ARHGAP15: variants seen among roughly 807,000 people sequenced by gnomAD.
ARHGAP15 encodes the protein Rho GTPase activating protein 15.
ARHGAP15 carries 51 observed loss-of-function variants against 63.7 expected under a neutral mutation model. That is an observed-to-expected ratio of 0.80 (90% CI 0.64 to 1.01). The LOEUF (loss-of-function observed/expected upper bound fraction) is 1.01, where lower values mean the gene tolerates loss of function less well. Ranked by LOEUF, ARHGAP15 falls within the 50% of genes least tolerant of loss-of-function variation. The pLI is 0.00. For missense variants in ARHGAP15, 560 were observed against 564.6 expected (o/e 0.99, Z 0.08); for synonymous variants, 191 against 193.8 (o/e 0.99, Z 0.12).
At chr2:143,195,961 A>G (rs1181757806) in intron 2 of ARHGAP15, among the ~76,000 whole-genome samples, 1 of 152,110 alleles carries the variant, frequency 6.6e-6, no homozygotes, top group Non-Finnish European at 1.5e-5. Flanking sequence ...CATCAGTTTC[A>G]TATCCTTTAA....
At chr2:143,605,930 G>C (rs1363474862) in intron 11 of ARHGAP15, among the ~76,000 whole-genome samples, 2 of 148,456 alleles carry the variant, frequency 1.3e-5, no homozygotes, top group East Asian at 4.0e-4. Flanking sequence ...CAGCTACTTG[G>C]GAAGCTGAGG....
At chr2:143,603,727 C>A (rs1574693907) in intron 11 of ARHGAP15, among the ~76,000 whole-genome samples, 1 of 152,172 alleles carries the variant, frequency 6.6e-6, no homozygotes. Flanking sequence ...CCAGCGGCAG[C>A]TCTTACAAGG....
intron 2 of ARHGAP15, among the ~76,000 whole-genome samples, chr2:143,188,221 A>C (rs943343426): frequency 6.6e-6 from 1 of 152,056 alleles, no homozygotes; most frequent in Non-Finnish European, 1.5e-5. Flanking sequence ...ATAGTTTTTC[A>C]CAATTTTTAG....
At chr2:143,337,630 A>T (rs372962666) in intron 6 of ARHGAP15, among the ~76,000 whole-genome samples, 3 of 152,274 alleles carry the variant, frequency 2.0e-5, no homozygotes, top group African/African-American at 7.2e-5. Context: ...GGAATTTAAC[A>T]CCTTCTGGAG....
intron 6 of ARHGAP15, among the ~76,000 whole-genome samples, chr2:143,333,611 T>A (rs2105265506): frequency 6.6e-6 from 1 of 152,282 alleles, no homozygotes; most frequent in Non-Finnish European, 1.5e-5. Context: ...GCTCAAAGTG[T>A]TCCATTTTTA....
intron 10 of ARHGAP15, among the ~76,000 whole-genome samples, chr2:143,519,830 G>T (rs1256774579): frequency 6.6e-6 from 1 of 152,136 alleles, no homozygotes; most frequent in Non-Finnish European, 1.5e-5. Context: ...TACGCTAACG[G>T]GTTTTTTCAG....
At chr2:143,363,134 A>G (rs1168197455) in intron 6 of ARHGAP15, among the ~76,000 whole-genome samples, 2 of 152,276 alleles carry the variant, frequency 1.3e-5, no homozygotes, top group African/African-American at 4.8e-5. Flanking sequence ...GCTCCATCTC[A>G]TCCCATTCCC....
intron 8 of ARHGAP15, among the ~76,000 whole-genome samples, chr2:143,437,858 T>C (rs937239036): frequency 1.3e-5 from 2 of 152,064 alleles, no homozygotes; most frequent in Non-Finnish European, 2.9e-5. Context: ...ACTCCATCTC[T>C]ACTAAAACTA....
At chr2:143,629,456 G>A (rs1327312765) in intron 12 of ARHGAP15, among the ~76,000 whole-genome samples, 1 of 152,258 alleles carries the variant, frequency 6.6e-6, no homozygotes, top group East Asian at 1.9e-4. Context: ...TACTGTAAAT[G>A]TGAACTCAGT....
chr2:143,463,280 G>A (rs1574483382), intron 8 of ARHGAP15, among the ~76,000 whole-genome samples: 1 of 151,962 alleles, frequency 6.6e-6, no homozygotes, highest in African/African-American at 2.4e-5. Flanking sequence ...GGTGGCTCAC[G>A]CCTGTAATCC....
chr2:143,288,993 A>T (rs1489874212), intron 6 of ARHGAP15, among the ~76,000 whole-genome samples: 5 of 152,124 alleles, frequency 3.3e-5, no homozygotes, highest in Non-Finnish European at 5.9e-5. Flanking sequence ...AACAGCATCA[A>T]GCCTGTCACC....
chr2:143,581,561 T>C (rs879406613), intron 11 of ARHGAP15, among the ~76,000 whole-genome samples: 5 of 152,232 alleles, frequency 3.3e-5, no homozygotes, highest in Admixed American at 2.0e-4. Context: ...CATTTAGTAC[T>C]GTATAATCAT....
chr2:143,523,731 T>C (rs1035915950), intron 10 of ARHGAP15, among the ~76,000 whole-genome samples: 5 of 152,190 alleles, frequency 3.3e-5, no homozygotes, highest in African/African-American at 1.2e-4. Flanking sequence ...ATTTGGAATA[T>C]GTCTTAACTC....
At chr2:143,392,043 G>A (rs1361010161) in intron 6 of ARHGAP15, among the ~76,000 whole-genome samples, 1 of 152,022 alleles carries the variant, frequency 6.6e-6, no homozygotes, top group East Asian at 1.9e-4. Flanking sequence ...AACAAAAAAA[G>A]GTGACAGGAA....
At chr2:143,147,094 G>A (rs1349994239) in intron 1 of ARHGAP15, among the ~76,000 whole-genome samples, 1 of 152,014 alleles carries the variant, frequency 6.6e-6, no homozygotes, top group Non-Finnish European at 1.5e-5. Context: ...CTTTAAGAAG[G>A]AAAGACAGTA....
intron 3 of ARHGAP15, among the ~76,000 whole-genome samples, chr2:143,209,697 CAGAA>C (rs759111099): frequency 4.1e-4 from 59 of 142,576 alleles, no homozygotes; most frequent in Admixed American, 1.6e-3. Context: ...AATGTTGAAG[CAGAA>C]AGAAACAAGT....
At chr2:143,542,880 GATATA>G (rs1215806342) in intron 10 of ARHGAP15, among the ~76,000 whole-genome samples, 2 of 142,794 alleles carry the variant, frequency 1.4e-5, no homozygotes, top group Admixed American at 7.2e-5. Flanking sequence ...GTATATATAT[GATATA>G]ATGTATATCA....
At chr2:143,471,093 A>G (rs1457731933) in intron 8 of ARHGAP15, among the ~76,000 whole-genome samples, 1 of 149,744 alleles carries the variant, frequency 6.7e-6, no homozygotes, top group Non-Finnish European at 1.5e-5. Flanking sequence ...AATGTATATG[A>G]TACACATGTG....
At chr2:143,427,421 T>A (rs1689183137) in intron 6 of ARHGAP15, among the ~76,000 whole-genome samples, 1 of 152,164 alleles carries the variant, frequency 6.6e-6, no homozygotes, top group African/African-American at 2.4e-5. Context: ...ATGAGCATCT[T>A]TGCATCACTG....
Sources: gnomAD v4.1 joint callset for allele counts (sites outside exome capture counted in the v4.1 genomes callset) on GRCh38, gnomAD v4.1.1 for gene constraint, MANE v1.5 for transcripts, NCBI Gene and HGNC (gene_info 2026-07-23, HGNC 2026-07-21) for gene names.